CNTNAP5: variants seen among roughly 807,000 people sequenced by gnomAD.
CNTNAP5 encodes the protein contactin associated protein family member 5.
CNTNAP5 carries 72 observed loss-of-function variants against 150.2 expected under a neutral mutation model. The ratio of observed to expected loss-of-function variants is 0.48; its 90% confidence interval spans 0.40 to 0.58. The LOEUF is 0.58. CNTNAP5 is among the 20% of genes least tolerant of loss of function. The pLI, the probability that CNTNAP5 is intolerant of heterozygous loss-of-function variation, is 0.00. For missense variants in CNTNAP5, 1,636 were observed against 1,626.2 expected, an observed-to-expected ratio of 1.01 and a Z score of -0.10; for synonymous variants, 672 against 619.8, an observed-to-expected ratio of 1.08 and a Z score of -1.25.
At chr2:124,584,248 G>A (rs1045976365) in intron 11 of CNTNAP5, among the ~76,000 whole-genome samples, 10 of 152,234 alleles carry the variant, frequency 6.6e-5, no homozygotes, top group South Asian at 6.2e-4. Context: ...TGCAGCTTCC[G>A]GAGCTTTAAA....
chr2:124,855,586 G>A (rs1677354952), intron 19 of CNTNAP5, among the ~76,000 whole-genome samples: 1 of 152,004 alleles, frequency 6.6e-6, no homozygotes, highest in South Asian at 2.1e-4. Context: ...GGTGAGAAAA[G>A]GTAAAACAGA....
rs560385315 is a variant in CNTNAP5, at chr2:124,405,098, T to C, written c.382-12345T>C. On this transcript the variant is annotated intron_variant, in intron 3 of 23. Coordinates refer to ENST00000682447, the MANE Select transcript of CNTNAP5 (RefSeq NM_001367498.1). Reference sequence around the variant, plus strand: ...TCAAATTTCTGAGAACTAGTGCATATAATATCATTCAGAATTGTAAATGGA... The same window carrying C: ...TCAAATTTCTGAGAACTAGTGCATACAATATCATTCAGAATTGTAAATGGA... 1.2e-3 allele frequency among the ~76,000 whole-genome samples: 186 copies of C among 152,276 alleles called. 3 individuals carry two copies. The highest frequency in any genetic ancestry group is 4.3e-3 in the African/African-American group (177 of 41,562).
intron 21 of CNTNAP5, among the ~76,000 whole-genome samples, chr2:124,895,793 G>C (rs1444666899): frequency 6.6e-6 from 1 of 151,570 alleles, no homozygotes; most frequent in Non-Finnish European, 1.5e-5. Flanking sequence ...ACTGTTTTTA[G>C]TGATAGAGAA....
intron 11 of CNTNAP5, among the ~76,000 whole-genome samples, chr2:124,568,228 A>T (rs938874060): frequency 1.3e-5 from 2 of 152,218 alleles, no homozygotes; most frequent in Non-Finnish European, 2.9e-5. Context: ...AGACTGAGAG[A>T]TGAGAAAGTT....
At chr2:124,365,580 T>C (rs934151796) in intron 3 of CNTNAP5, among the ~76,000 whole-genome samples, 2 of 152,194 alleles carry the variant, frequency 1.3e-5, no homozygotes, top group African/African-American at 2.4e-5. Context: ...CCCTTTCCAA[T>C]AGTAACACCA....
chr2:124,744,290 C>T (rs1250688305), intron 13 of CNTNAP5, among the ~76,000 whole-genome samples: 1 of 152,134 alleles, frequency 6.6e-6, no homozygotes, highest in Non-Finnish European at 1.5e-5. Flanking sequence ...TCTCTCTTAT[C>T]CATGTAAGAC....
intron 1 of CNTNAP5, among the ~76,000 whole-genome samples, chr2:124,066,913 G>A (rs143350154): frequency 5.3e-4 from 81 of 152,174 alleles, no homozygotes; most frequent in Non-Finnish European, 8.1e-4. Context: ...TGGCCAAATG[G>A]TATCCTACTA....
intron 13 of CNTNAP5, among the ~76,000 whole-genome samples, chr2:124,657,578 C>A (rs1417177646): frequency 6.6e-6 from 1 of 152,122 alleles, no homozygotes; most frequent in African/African-American, 2.4e-5. Context: ...CAGCCTGCAG[C>A]CAGAGTGATA....
intron 3 of CNTNAP5, among the ~76,000 whole-genome samples, chr2:124,352,218 A>G (rs1194683858): frequency 6.6e-6 from 1 of 152,312 alleles, no homozygotes; most frequent in East Asian, 1.9e-4. Context: ...TTTCTATGAC[A>G]CATTAAGTTG....
chr2:124,859,044 C>T lies in CNTNAP5; in HGVS notation c.3218-6262C>T, dbSNP rs552252033. 5.7e-3 allele frequency among the ~76,000 whole-genome samples: 869 copies of T among 151,972 alleles called. 14 individuals carry two copies. Among genetic ancestry groups the T allele is most frequent in the African/African-American group, 0.019 (791 of 41,482 alleles). On this transcript the variant is annotated intron_variant, in intron 19 of 23. Transcript: ENST00000682447. ...CACCAAAAGCAATGGCAACAAAAGC[C>T]AAAATTGACAAATGGGATCTAATTA...
intron 6 of CNTNAP5, among the ~76,000 whole-genome samples, chr2:124,470,882 G>A (rs1558916916): frequency 6.6e-6 from 1 of 151,988 alleles, no homozygotes; most frequent in Non-Finnish European, 1.5e-5. Context: ...GATTGTAGGT[G>A]TGTGGTCTTA....
intron 3 of CNTNAP5, among the ~76,000 whole-genome samples, chr2:124,329,938 C>A (rs2104679006): frequency 6.6e-6 from 1 of 152,276 alleles, no homozygotes; most frequent in Non-Finnish European, 1.5e-5. Context: ...TTTGAAGTAT[C>A]TTCACTTGGA....
intron 1 of CNTNAP5, among the ~76,000 whole-genome samples, chr2:124,130,898 T>A (rs2104602144): frequency 6.6e-6 from 1 of 152,292 alleles, no homozygotes; most frequent in African/African-American, 2.4e-5. Flanking sequence ...TAAAATTATT[T>A]GTATGCTTTT....
intron 19 of CNTNAP5, among the ~76,000 whole-genome samples, chr2:124,844,717 T>A (rs938080968): frequency 6.6e-6 from 1 of 151,360 alleles, no homozygotes; most frequent in African/African-American, 2.4e-5. Context: ...GTTTTTAAAA[T>A]TTTTTTTTCC....
intron 3 of CNTNAP5, among the ~76,000 whole-genome samples, chr2:124,249,153 G>T (rs1412520343): frequency 6.6e-6 from 1 of 152,008 alleles, no homozygotes; most frequent in Non-Finnish European, 1.5e-5. Flanking sequence ...TCCTCAGATG[G>T]GTTTTATTTG....
intron 23 of CNTNAP5, among the ~76,000 whole-genome samples, chr2:124,913,082 A>G (rs1014057532): frequency 3.3e-5 from 5 of 152,112 alleles, no homozygotes; most frequent in Admixed American, 2.0e-4. Flanking sequence ...CATTTATGAA[A>G]CTTACAAATG....
intron 4 of CNTNAP5, 62 bp from the exon 5 acceptor site, chr2:124,434,422 C>T: frequency 8.2e-7 from 1 of 1,217,922 alleles, no homozygotes; most frequent in Non-Finnish European, 1.2e-6. Context: ...AGATGGGAAA[C>T]AGTAACAGCA....
chr2:124,806,193 T>G (rs1682076955), intron 19 of CNTNAP5, among the ~76,000 whole-genome samples: 1 of 152,102 alleles, frequency 6.6e-6, no homozygotes, highest in Non-Finnish European at 1.5e-5. Flanking sequence ...ACTTAGCACA[T>G]AGTTCACCTC....
chr2:124,435,417 A>G (rs1692505190), intron 5 of CNTNAP5, among the ~76,000 whole-genome samples: 2 of 152,138 alleles, frequency 1.3e-5, no homozygotes, highest in South Asian at 4.1e-4. Flanking sequence ...TTCTGAAGGA[A>G]GGGTAAGCTG....
Sources: gnomAD v4.1 joint callset for allele counts (sites outside exome capture counted in the v4.1 genomes callset) on GRCh38, gnomAD v4.1.1 for gene constraint, MANE v1.5 for transcripts, NCBI Gene and HGNC (gene_info 2026-07-23, HGNC 2026-07-21) for gene names.